Variants in KIAA0753 observed in about 807,000 individuals in gnomAD.
The protein encoded by KIAA0753 is protein moonraker.
Under a neutral mutation model 116.9 loss-of-function variants are expected in KIAA0753, and 114 were observed. That is an observed-to-expected ratio of 0.98 (90% CI 0.84 to 1.14). The LOEUF is 1.14. Ranked by LOEUF, KIAA0753 falls within the 50% of genes most tolerant of loss-of-function variation. The pLI is 0.00. For synonymous variants in KIAA0753, 405 were observed against 413.1 expected, an observed-to-expected ratio of 0.98 and a Z score of 0.24; for missense variants, 1,156 against 1,172.4, an observed-to-expected ratio of 0.99 and a Z score of 0.20.
chr17:6,601,914 C>T (rs1969900846), intron 12 of KIAA0753, among the ~76,000 whole-genome samples: 1 of 152,158 alleles, frequency 6.6e-6, no homozygotes, highest in South Asian at 2.1e-4. Flanking sequence ...ACATATCTGG[C>T]AAGGGGCTCA....
In KIAA0753 at chr17:6,620,756, A is replaced by G. The variant is rs758433644; in HGVS notation, c.1315+32T>C. 5.1e-5 allele frequency: 81 copies of G among 1,596,710 alleles called. 2 individuals are homozygous for G. In the South Asian group the frequency reaches 8.1e-4, roughly 16 times the overall value. On this transcript the variant is annotated intron_variant, in intron 7 of 18. Transcript: ENST00000361413. ...AGCCCAGATAATTGTAATGAATAAA[A>G]TGTCTTACAATAAACACTTTAAGAC...
At chr17:6,612,241 A>G in intron 7 of KIAA0753, 93 bp from the exon 8 acceptor site, 1 of 886,766 alleles carries the variant, frequency 1.1e-6, no homozygotes, top group Admixed American at 2.3e-5. Flanking sequence ...GGCTCCAAAT[A>G]CCTATCCTAG....
In KIAA0753 at chr17:6,615,642, A is replaced by AC. The variant is rs1970871361; in HGVS notation, c.1316-3495dup. The stretch of plus-strand genomic sequence containing the variant: ...AAAAAAAAAAAAAAAAAAAAAAAAA[A>AC]CCTAAATCCTCAGTCTGTAATTTAT... On this transcript the variant is annotated intron_variant, in intron 7 of 18. Transcript: ENST00000361413. Among the ~76,000 whole-genome samples, 10 of 148,932 alleles carry AC rather than the reference A, an allele frequency of 6.7e-5. No individual in the cohort carries two copies. The South Asian group carries it at 1.9e-3, about 29-fold the overall frequency.
At chr17:6,594,948 G>A (rs1478079757) in intron 16 of KIAA0753, 24 bp downstream of exon 16, 1 of 1,567,042 alleles carries the variant, frequency 6.4e-7, no homozygotes, top group Admixed American at 1.8e-5. Flanking sequence ...AAATGTTAGG[G>A]GAAAAACATG....
At chr17:6,630,954 G>A (rs555766245) in intron 2 of KIAA0753, among the ~76,000 whole-genome samples, 12 of 152,304 alleles carry the variant, frequency 7.9e-5, no homozygotes, top group Non-Finnish European at 1.6e-4. Context: ...AATGAGATTA[G>A]TTATCTACAG....
chr17:6,627,919 C>T (rs577509786), intron 3 of KIAA0753, among the ~76,000 whole-genome samples, 198 bp downstream of exon 3: 1 of 152,230 alleles, frequency 6.6e-6, no homozygotes, highest in South Asian at 2.1e-4. Flanking sequence ...TGTCCCTCCG[C>T]TGGAAAGAGG....
intron 4 of KIAA0753, among the ~76,000 whole-genome samples, chr17:6,624,199 A>G (rs1057359046): frequency 6.6e-6 from 1 of 152,210 alleles, no homozygotes; most frequent in Non-Finnish European, 1.5e-5. Context: ...ATCACAATGT[A>G]AAGAACGTAA....
chr17:6,599,526 A>C (rs1969709529), intron 13 of KIAA0753, among the ~76,000 whole-genome samples: 1 of 152,194 alleles, frequency 6.6e-6, no homozygotes, highest in Non-Finnish European at 1.5e-5. Context: ...TTCTTCCCTC[A>C]ACTCTGTAAA....
chr17:6,590,375 C>G (rs1363810441), intron 17 of KIAA0753, 135 bp downstream of exon 17: 1 of 978,452 alleles, frequency 1.0e-6, no homozygotes, highest in Non-Finnish European at 1.5e-6. Flanking sequence ...ATTTACTCAG[C>G]CATCTTGGAG....
chr17:6,624,017 A>T (rs1003719141), intron 4 of KIAA0753: 14 of 153,134 alleles, frequency 9.1e-5, no homozygotes, highest in African/African-American at 3.4e-4. Context: ...CTGAAATAGA[A>T]CCCAAAAGAA....
chr17:6,624,277 T>C (rs997647371), intron 4 of KIAA0753, among the ~76,000 whole-genome samples: 16 of 152,190 alleles, frequency 1.1e-4, no homozygotes, highest in Admixed American at 9.2e-4. Context: ...CTTTGCTGTT[T>C]ACCAAATTAT....
chr17:6,630,121 A>AAAT (rs900649618), intron 2 of KIAA0753, among the ~76,000 whole-genome samples: 3 of 151,632 alleles, frequency 2.0e-5, no homozygotes, highest in Non-Finnish European at 2.9e-5. Flanking sequence ...GACACTGTCT[A>AAAT]AATAATAATA....
In KIAA0753 at chr17:6,589,767, C is replaced by T. The variant is rs777411287; in HGVS notation, c.2786+12G>A. ...TTGGTTCCTAAACAGAGGACCGTAA[C>T]ATTTTACTGACCTTTCAGCTATCAG... On this transcript the variant is annotated intron_variant, in intron 18 of 18. Transcript: ENST00000361413. The T allele has an allele frequency of 6.3e-7, 1 of 1,586,694 alleles. No homozygotes were observed. Among genetic ancestry groups the T allele is most frequent in the South Asian group, 1.2e-5 (1 of 86,598 alleles).
intron 7 of KIAA0753, among the ~76,000 whole-genome samples, chr17:6,613,092 A>G (rs934592153): frequency 2.6e-5 from 4 of 152,276 alleles, no homozygotes; most frequent in African/African-American, 9.6e-5. Context: ...AAGAGGGGTC[A>G]GCAAGGTTTC....
chr17:6,620,437 C>T (rs116248243), intron 7 of KIAA0753, among the ~76,000 whole-genome samples: 2,090 of 119,394 alleles, frequency 0.018, 62 homozygotes, highest in African/African-American at 0.06. Context: ...TATATATACA[C>T]ATATATATAT....
rs531550724 is a variant in KIAA0753 at position 6,598,170 on chromosome 17, A to G, written c.2172+1067T>C. Among the ~76,000 whole-genome samples the G allele has an allele frequency of 7.2e-5, 11 of 152,318 alleles. No homozygotes were observed. In the South Asian group the frequency reaches 1.7e-3, roughly 23 times the overall value. On this transcript the variant is annotated intron_variant, in intron 14 of 18. Transcript: ENST00000361413. Reference sequence around the variant, plus strand: ...AATCACTTCATTTTCCTTTCATATTAAAGTGCAGTATGGAGTGGCCTCTCT... The same window carrying G: ...AATCACTTCATTTTCCTTTCATATTGAAGTGCAGTATGGAGTGGCCTCTCT...
chr17:6,620,577 T>C (rs1971246292), intron 7 of KIAA0753, among the ~76,000 whole-genome samples: 1 of 152,186 alleles, frequency 6.6e-6, no homozygotes, highest in South Asian at 2.1e-4. Flanking sequence ...CACTATGATG[T>C]AGCAAAGGAA....
In KIAA0753 at chr17:6,628,634, A is replaced by G. The variant is rs1971831159; in HGVS notation, c.201T>C (p.Asn67=). The part of the protein sequence containing the change: ...IRIEKLKHSY[N]ESYHCKDADC... ...CTGCATCTTTACAATGGTATGATTC[A>G]TTGTATGAGTGCTTCAGTTTTTCAA... Residue 67 remains asparagine (N), a synonymous_variant, in exon 3 of 19, where the codon AAT becomes AAC. Transcript: ENST00000361413. 6.2e-7 allele frequency: 1 copy of G among 1,614,058 alleles called. No individual in the cohort carries two copies. Among genetic ancestry groups the G allele is most frequent in the Admixed American group, 1.7e-5 (1 of 60,002 alleles).
intron 2 of KIAA0753, among the ~76,000 whole-genome samples, chr17:6,632,026 G>A (rs988099808): frequency 6.6e-6 from 1 of 152,270 alleles, no homozygotes. Flanking sequence ...GAGATTATAG[G>A]TGTGCACCAT....
Sources: allele counts gnomAD v4.1 joint callset (sites outside exome capture counted in the v4.1 genomes callset), GRCh38; gene constraint gnomAD v4.1.1; transcripts MANE v1.5; gene names NCBI Gene and HGNC (gene_info 2026-07-23, HGNC 2026-07-21).